The following COL23A1 variants were observed in gnomAD, a reference collection of about 807,000 sequenced individuals.
COL23A1 encodes collagen type XXIII alpha 1 chain.
Under a neutral mutation model 99.3 loss-of-function variants are expected in COL23A1, and 97 were observed. The observed-to-expected ratio is 0.98, with a 90% CI of 0.83 to 1.16. The LOEUF (loss-of-function observed/expected upper bound fraction) is 1.16. Ranked by LOEUF, COL23A1 falls within the 50% of genes most tolerant of loss-of-function variation. COL23A1 has a pLI of 0.00. For missense variants in COL23A1, 762 were observed against 757.4 expected, an observed-to-expected ratio of 1.01 and a Z score of -0.07; for synonymous variants, 320 against 308.2, an observed-to-expected ratio of 1.04 and a Z score of -0.40.
At chr5:178,315,189 C>T (rs1164431781) in intron 2 of COL23A1, among the ~76,000 whole-genome samples, 1 of 152,104 alleles carries the variant, frequency 6.6e-6, no homozygotes, top group Non-Finnish European at 1.5e-5. Context: ...ATTAAGGAGT[C>T]CGGACCCATG....
intron 3 of COL23A1, among the ~76,000 whole-genome samples, chr5:178,302,140 T>TG: frequency 2.3e-5 from 3 of 129,000 alleles, no homozygotes; most frequent in South Asian, 2.5e-4. Flanking sequence ...ACGGCTTCAA[T>TG]CCACCTGTGT....
chr5:178,306,486 C>T lies in COL23A1; in HGVS notation c.406+389G>A, dbSNP rs954159831. 2.0e-5 allele frequency among the ~76,000 whole-genome samples: 3 copies of T among 151,622 alleles called. No individual in the cohort carries two copies. The highest frequency in any genetic ancestry group is 2.4e-5 in the African/African-American group (1 of 41,222). On this transcript the variant is annotated intron_variant, in intron 3 of 28. Coordinates refer to ENST00000390654, the MANE Select transcript of COL23A1 (RefSeq NM_173465.4). The surrounding 1 kb of genome is among the most constrained non-coding windows in gnomAD (Gnocchi z 4.1). Reference sequence around the variant, plus strand: ...GGCTCTGCCAAGGAAGGACAGGCCACGTCTGGGGAGGGATGAAACCCACAG... The same window carrying T: ...GGCTCTGCCAAGGAAGGACAGGCCATGTCTGGGGAGGGATGAAACCCACAG...
chr5:178,522,206 T>C (rs1355498723), intron 2 of COL23A1, among the ~76,000 whole-genome samples: 2 of 152,228 alleles, frequency 1.3e-5, no homozygotes, highest in African/African-American at 2.4e-5. Context: ...TTTCGGTTTA[T>C]GAAATGAAAT....
chr5:178,509,473 G>A (rs917856580), intron 2 of COL23A1, among the ~76,000 whole-genome samples: 3 of 152,046 alleles, frequency 2.0e-5, no homozygotes, highest in South Asian at 2.1e-4. Context: ...CATCCGCCTC[G>A]GCCTCCCAAA....
chr5:178,473,461 ATTTTTTTTTTTTT>A (rs58255875), intron 2 of COL23A1, among the ~76,000 whole-genome samples: 166 of 95,070 alleles, frequency 1.7e-3, no homozygotes, highest in African/African-American at 6.2e-3. Flanking sequence ...CATCCGGCTA[ATTTTTTTTTTTTT>A]TTTTTTTTTT....
intron 2 of COL23A1, among the ~76,000 whole-genome samples, chr5:178,505,978 A>G (rs1758846371): frequency 6.6e-6 from 1 of 151,558 alleles, no homozygotes; most frequent in African/African-American, 2.4e-5. Flanking sequence ...CAGGTAAACC[A>G]GCCCCCCAAG....
At chr5:178,551,794 T>C (rs992397656) in intron 2 of COL23A1, among the ~76,000 whole-genome samples, 3 of 152,146 alleles carry the variant, frequency 2.0e-5, no homozygotes, top group African/African-American at 7.2e-5. Context: ...CCAAGTATGA[T>C]CTAGTCTGTC....
intron 1 of COL23A1, among the ~76,000 whole-genome samples, chr5:178,580,792 G>T (rs1763624974): frequency 6.6e-6 from 1 of 152,208 alleles, no homozygotes; most frequent in African/African-American, 2.4e-5. Context: ...GGCCAAGGTG[G>T]GAGGGCTGCT....
chr5:178,318,308 G>A (rs908231963), intron 2 of COL23A1, among the ~76,000 whole-genome samples: 1 of 152,174 alleles, frequency 6.6e-6, no homozygotes, highest in Non-Finnish European at 1.5e-5. Flanking sequence ...AAAGGGAGAG[G>A]TACTGACTGG....
chr5:178,448,681 C>G (rs1316523583), intron 2 of COL23A1, among the ~76,000 whole-genome samples: 2 of 152,142 alleles, frequency 1.3e-5, no homozygotes, highest in African/African-American at 4.8e-5. Context: ...TGGCATTAAT[C>G]CATTCATGAG....
At chr5:178,245,872 G>T in intron 25 of COL23A1, 70 bp downstream of exon 25, 1 of 1,556,720 alleles carries the variant, frequency 6.4e-7, no homozygotes, top group Non-Finnish European at 8.9e-7. Flanking sequence ...GCCAGATCAG[G>T]TTACTGCATG....
At chr5:178,383,216 C>T (rs918548036) in intron 2 of COL23A1, among the ~76,000 whole-genome samples, 4 of 151,874 alleles carry the variant, frequency 2.6e-5, no homozygotes, top group South Asian at 2.1e-4. Context: ...CTAGGTGCTG[C>T]GGCTACTGGT....
chr5:178,399,800 G>A (rs1421245689), intron 2 of COL23A1, among the ~76,000 whole-genome samples: 7 of 152,180 alleles, frequency 4.6e-5, no homozygotes, highest in Admixed American at 1.3e-4. Flanking sequence ...TATCCAGAGC[G>A]GCCAGGCTTC....
chr5:178,567,136 T>C (rs1762877143), intron 1 of COL23A1, among the ~76,000 whole-genome samples: 1 of 152,222 alleles, frequency 6.6e-6, no homozygotes, highest in African/African-American at 2.4e-5. Context: ...GATAGATACA[T>C]ACAGAAATCA....
At chr5:178,566,791 G>T (rs1292596143) in intron 1 of COL23A1, among the ~76,000 whole-genome samples, 1 of 151,998 alleles carries the variant, frequency 6.6e-6, no homozygotes, top group Non-Finnish European at 1.5e-5. Context: ...ACTCCAGCCT[G>T]GGCGACAGAG....
chr5:178,269,323 C>CCACT (rs1756092278), intron 6 of COL23A1, among the ~76,000 whole-genome samples: 1 of 148,366 alleles, frequency 6.7e-6, no homozygotes, highest in African/African-American at 2.5e-5. Context: ...ATCCATCCAT[C>CCACT]CATCCATGTA....
intron 2 of COL23A1, among the ~76,000 whole-genome samples, chr5:178,512,625 C>A (rs1759273778): frequency 6.6e-6 from 1 of 152,192 alleles, no homozygotes; most frequent in Non-Finnish European, 1.5e-5. Context: ...CTGGGCGGCA[C>A]CCTCTCACTG....
At chr5:178,488,215 T>G (rs905320658) in intron 2 of COL23A1, among the ~76,000 whole-genome samples, 6 of 152,124 alleles carry the variant, frequency 3.9e-5, no homozygotes, top group Non-Finnish European at 7.3e-5. Flanking sequence ...GCCTCTCAAT[T>G]TATATGAAAA....
At chr5:178,519,425 A>G (rs1331135695) in intron 2 of COL23A1, among the ~76,000 whole-genome samples, 1 of 152,200 alleles carries the variant, frequency 6.6e-6, no homozygotes, top group Non-Finnish European at 1.5e-5. Flanking sequence ...CAGGAGCAAT[A>G]CAGCAGGGAG....
Sources: gnomAD v4.1 joint callset for allele counts (sites outside exome capture counted in the v4.1 genomes callset) on GRCh38, gnomAD v4.1.1 for gene constraint, Gnocchi (gnomAD v3.1) non-coding constraint, MANE v1.5 for transcripts, NCBI Gene and HGNC (gene_info 2026-07-23, HGNC 2026-07-21) for gene names.